The following RPS6KC1 variants were observed in gnomAD, a reference collection of about 807,000 sequenced individuals.
RPS6KC1 encodes inactive ribosomal protein S6 kinase delta-1.
A neutral mutation model predicts 103.8 loss-of-function variants in RPS6KC1; 54 were observed. The ratio of observed to expected loss-of-function variants is 0.52; its 90% CI spans 0.42 to 0.65. The LOEUF is 0.65. Among genes scored for constraint, RPS6KC1 ranks in the 30% least tolerant of loss-of-function variants. The probability of loss-of-function intolerance (pLI) is 0.00; values close to 1 mark genes in which losing one functional copy is unlikely to be tolerated. For synonymous variants in RPS6KC1, 439 were observed against 438.7 expected (o/e 1.00, Z -0.01); for missense variants, 1,151 against 1,253.8 (o/e 0.92, Z 1.24).
the RPS6KC1 span, among the ~76,000 whole-genome samples, chr1:213,649,201 T>G: frequency 6.6e-6 from 1 of 151,608 alleles, no homozygotes. Flanking sequence ...TATTTCCAAC[T>G]TCTCCTTTTT....
the RPS6KC1 span, among the ~76,000 whole-genome samples, chr1:213,733,789 G>A: frequency 6.6e-6 from 1 of 152,110 alleles, no homozygotes; most frequent in Non-Finnish European, 1.5e-5. Flanking sequence ...GAAAAATAAG[G>A]TAACATTCTT....
intron 3 of RPS6KC1, among the ~76,000 whole-genome samples, chr1:213,083,555 C>T (rs375453971): frequency 5.9e-5 from 9 of 152,148 alleles, no homozygotes; most frequent in East Asian, 3.8e-4. Context: ...ACTTAGGGAA[C>T]GACACCTGAA....
At chr1:213,810,444 G>A in the RPS6KC1 span, among the ~76,000 whole-genome samples, 5 of 152,318 alleles carry the variant, frequency 3.3e-5, no homozygotes, top group South Asian at 1.0e-3. Flanking sequence ...CCTGGGTTAA[G>A]ACATAGAGCT....
At chr1:213,857,897 G>T in the RPS6KC1 span, among the ~76,000 whole-genome samples, 2 of 152,106 alleles carry the variant, frequency 1.3e-5, no homozygotes, top group Non-Finnish European at 2.9e-5. Context: ...GTCTCCCAAG[G>T]GTTTAACAAA....
the RPS6KC1 span, among the ~76,000 whole-genome samples, chr1:213,627,942 T>C: frequency 3.3e-5 from 5 of 152,248 alleles, no homozygotes; most frequent in Non-Finnish European, 7.3e-5. Context: ...CCTCATAAAA[T>C]GAGTTAGGGA....
At chr1:213,859,188 A>G in the RPS6KC1 span, among the ~76,000 whole-genome samples, 1 of 152,222 alleles carries the variant, frequency 6.6e-6, no homozygotes, top group Non-Finnish European at 1.5e-5. Flanking sequence ...TAAGAAAGAG[A>G]GAATCTCACA....
At chr1:213,208,181 AT>A (rs1372644017) in intron 8 of RPS6KC1, among the ~76,000 whole-genome samples, 3 of 152,334 alleles carry the variant, frequency 2.0e-5, no homozygotes, top group Admixed American at 6.5e-5. Flanking sequence ...AACACCTCAA[AT>A]AATCCATCAG....
the RPS6KC1 span, among the ~76,000 whole-genome samples, chr1:213,714,771 C>T: frequency 1.3e-5 from 2 of 152,240 alleles, no homozygotes; most frequent in Non-Finnish European, 2.9e-5. Context: ...AGTGTATTTC[C>T]TGTATTCCTC....
the RPS6KC1 span, among the ~76,000 whole-genome samples, chr1:213,753,203 G>C: frequency 6.6e-6 from 1 of 152,172 alleles, no homozygotes; most frequent in Non-Finnish European, 1.5e-5. Flanking sequence ...CAGAATTCAG[G>C]GTTGGCCTGG....
At chr1:213,704,436 C>T in the RPS6KC1 span, among the ~76,000 whole-genome samples, 1 of 150,668 alleles carries the variant, frequency 6.6e-6, no homozygotes, top group South Asian at 2.1e-4. Flanking sequence ...TTCAGTATGC[C>T]AGTTGCGTTT....
intron 4 of RPS6KC1, among the ~76,000 whole-genome samples, chr1:213,107,312 T>C (rs1288528168): frequency 1.3e-5 from 2 of 152,104 alleles, no homozygotes; most frequent in Non-Finnish European, 2.9e-5. Flanking sequence ...CCCTTTTCCA[T>C]CCCCAGCCTG....
At chr1:213,422,512 A>T in the RPS6KC1 span, among the ~76,000 whole-genome samples, 1 of 152,250 alleles carries the variant, frequency 6.6e-6, no homozygotes, top group African/African-American at 2.4e-5. Flanking sequence ...AATATGCAGA[A>T]GTGGAATTGC....
chr1:213,663,993 A>G, the RPS6KC1 span, among the ~76,000 whole-genome samples: 8 of 152,224 alleles, frequency 5.3e-5, no homozygotes, highest in African/African-American at 1.4e-4. Flanking sequence ...TGAATCTCCT[A>G]CCAAATGAGC....
At chr1:213,509,178 G>T in the RPS6KC1 span, among the ~76,000 whole-genome samples, 2 of 152,132 alleles carry the variant, frequency 1.3e-5, no homozygotes, top group Admixed American at 1.3e-4. Flanking sequence ...CACTGTCCTG[G>T]GCAAGCCAGT....
the RPS6KC1 span, among the ~76,000 whole-genome samples, chr1:213,793,891 G>T: frequency 2.6e-5 from 4 of 152,098 alleles, no homozygotes; most frequent in Non-Finnish European, 5.9e-5. Flanking sequence ...TTTTGTGTGT[G>T]TGTGTTTTCT....
chr1:213,842,940 G>A, the RPS6KC1 span, among the ~76,000 whole-genome samples: 1 of 152,118 alleles, frequency 6.6e-6, no homozygotes, highest in Non-Finnish European at 1.5e-5. Context: ...AGCTCCAATA[G>A]GCTAGAGATA....
At chr1:213,744,968 C>T in the RPS6KC1 span, among the ~76,000 whole-genome samples, 5 of 152,206 alleles carry the variant, frequency 3.3e-5, no homozygotes, top group African/African-American at 9.7e-5. Flanking sequence ...CTTCAAGGTG[C>T]CTCTCACCAC....
chr1:213,394,832 T>C, the RPS6KC1 span, among the ~76,000 whole-genome samples: 7 of 152,336 alleles, frequency 4.6e-5, no homozygotes, highest in South Asian at 1.4e-3. Flanking sequence ...ACTTGCATAT[T>C]GGAGGAAGAG....
the RPS6KC1 span, among the ~76,000 whole-genome samples, chr1:213,761,565 GACTGCACTGTCCAC>G: frequency 2.0e-5 from 3 of 152,186 alleles, no homozygotes; most frequent in African/African-American, 7.2e-5. Flanking sequence ...TTACAGTGAT[GACTGCACTGTCCAC>G]ACACTTTCCA....
Sources: allele counts gnomAD v4.1 joint callset (sites outside exome capture counted in the v4.1 genomes callset), GRCh38; gene constraint gnomAD v4.1.1; transcripts MANE v1.5; gene names NCBI Gene and HGNC (gene_info 2026-07-23, HGNC 2026-07-21).